The following SLC17A5 variants were observed in gnomAD, a reference collection of about 807,000 sequenced individuals.
SLC17A5 encodes the protein solute carrier family 17 member 5.
SLC17A5 carries 47 observed loss-of-function variants against 59.4 expected under a neutral mutation model. The observed-to-expected ratio is 0.79, with a 90% confidence interval of 0.63 to 1.01. The LOEUF (loss-of-function observed/expected upper bound fraction) is 1.01. Ranked by LOEUF, SLC17A5 falls within the 50% of genes least tolerant of loss-of-function variation. SLC17A5 has a pLI of 0.00. For synonymous variants in SLC17A5, 202 were observed against 210.7 expected, an observed-to-expected ratio of 0.96 and a Z score of 0.36; for missense variants, 522 against 595.5, an observed-to-expected ratio of 0.88 and a Z score of 1.28.
At chr6:73,644,072 T>G (rs1428107007) in intron 2 of SLC17A5, among the ~76,000 whole-genome samples, 3 of 152,208 alleles carry the variant, frequency 2.0e-5, no homozygotes, top group Non-Finnish European at 2.9e-5. Context: ...GGGTTATAAA[T>G]AATACTCCTA....
intron 8 of SLC17A5, among the ~76,000 whole-genome samples, chr6:73,613,041 CAAAA>C (rs59903043): frequency 4.8e-5 from 7 of 144,790 alleles, no homozygotes; most frequent in Non-Finnish European, 1.1e-4. Flanking sequence ...GACCCTGTCT[CAAAA>C]AAAAAAAAAA....
At chr6:73,636,295 AAAAAC>A (rs368187103) in intron 5 of SLC17A5, among the ~76,000 whole-genome samples, 1,609 of 111,944 alleles carry the variant, frequency 0.014, 29 homozygotes, top group African/African-American at 0.073. Context: ...AAAAAAAAAA[AAAAAC>A]ATTAAAACTA....
intron 9 of SLC17A5, among the ~76,000 whole-genome samples, chr6:73,607,498 T>C (rs1179633138): frequency 6.6e-6 from 1 of 152,064 alleles, no homozygotes; most frequent in African/African-American, 2.4e-5. Context: ...ACTCCTGACC[T>C]CAGGTGATCT....
At chr6:73,652,109 C>T (rs1769901632) in intron 1 of SLC17A5, among the ~76,000 whole-genome samples, 1 of 152,038 alleles carries the variant, frequency 6.6e-6, no homozygotes, top group Admixed American at 6.6e-5. Flanking sequence ...CAGTATGTTA[C>T]TATTATTTCC....
rs11349241 is a variant in SLC17A5 at position 73,600,508 on chromosome 6, CTT to C, written c.1260-69_1260-68del. The C allele has an allele frequency of 0.14, 107,578 of 750,072 alleles. 2 individuals carry two copies. Among genetic ancestry groups the C allele is most frequent in the Middle Eastern group, 0.17 (586 of 3,498 alleles). 46.5% of individuals were successfully genotyped at this position (750,072 alleles called of 1,614,324 possible). ...ATTTAAACAGCTTCATTCTTTCCTT[CTT>C]TTTTTTTTTTTTTTTTGAGACAGAG... On this transcript the variant is annotated intron_variant, in intron 9 of 10. Coordinates refer to ENST00000355773, the MANE Select transcript of SLC17A5 (RefSeq NM_012434.5).
At chr6:73,604,873 T>C (rs1043738264) in intron 9 of SLC17A5, among the ~76,000 whole-genome samples, 1 of 152,246 alleles carries the variant, frequency 6.6e-6, no homozygotes, top group Non-Finnish European at 1.5e-5. Context: ...AAACCTTGTA[T>C]CTGTTTACTG....
rs145897192 is a variant in SLC17A5, at chr6:73,623,662, TTTTATTTATTTATTTATTTA to T, written c.820-1720_820-1701del. On this transcript the variant is annotated intron_variant, in intron 6 of 10. Transcript: ENST00000355773. Reference sequence around the variant, plus strand: ...GTGATTTATTTTAAGTGTCTTTTATTTTTATTTATTTATTTATTTATTTATTTATTTATTTATTTATTTAT... The same window carrying T: ...GTGATTTATTTTAAGTGTCTTTTATTTTTATTTATTTATTTATTTATTTAT... Among the ~76,000 whole-genome samples, 486 of 136,754 alleles carry T rather than the reference TTTTATTTATTTATTTATTTA, an allele frequency of 3.6e-3. 1 individual carries two copies. The highest frequency in any genetic ancestry group is 9.4e-3 in the African/African-American group (347 of 36,938). 89.7% of individuals were successfully genotyped at this position (136,754 alleles called of 152,430 possible).
At chr6:73,640,669 A>T (rs56390246) in intron 3 of SLC17A5, among the ~76,000 whole-genome samples, 8,482 of 152,268 alleles carry the variant, frequency 0.056, 422 homozygotes, top group Admixed American at 0.16. Context: ...AAAATACACC[A>T]TTCCCTGGAT....
chr6:73,604,372 T>G (rs918101658), intron 9 of SLC17A5, among the ~76,000 whole-genome samples: 1 of 152,186 alleles, frequency 6.6e-6, no homozygotes, highest in Non-Finnish European at 1.5e-5. Flanking sequence ...TTCTGTGCTG[T>G]TGGAGTACTA....
intron 3 of SLC17A5, among the ~76,000 whole-genome samples, chr6:73,639,704 G>T (rs1769186881): frequency 1.3e-5 from 2 of 152,208 alleles, no homozygotes; most frequent in South Asian, 4.1e-4. Flanking sequence ...ACATATTGAA[G>T]GGATGAAGAA....
intron 9 of SLC17A5, among the ~76,000 whole-genome samples, chr6:73,605,688 T>C (rs73454523): frequency 0.11 from 16,236 of 150,892 alleles, 1,045 homozygotes; most frequent in Middle Eastern, 0.18. Context: ...TAAATAATTT[T>C]GACTTTGGGC....
chr6:73,623,115 C>A (rs1768229669), intron 6 of SLC17A5, among the ~76,000 whole-genome samples: 1 of 152,122 alleles, frequency 6.6e-6, no homozygotes, highest in African/African-American at 2.4e-5. Context: ...CGGCTCACTG[C>A]AACTTCTGCC....
At chr6:73,653,307 G>C (rs1468786503) in intron 1 of SLC17A5, 3 of 985,292 alleles carry the variant, frequency 3.0e-6, no homozygotes, top group Admixed American at 6.1e-5. Context: ...GAAACCTAGC[G>C]GTGACAGGGA....
intron 9 of SLC17A5, 66 bp downstream of exon 9, chr6:73,610,334 T>G (rs1341716626): frequency 6.9e-6 from 11 of 1,587,624 alleles, no homozygotes; most frequent in Non-Finnish European, 8.6e-6. Flanking sequence ...GCCTCTGGCC[T>G]TTTATCAGGA....
intron 1 of SLC17A5, among the ~76,000 whole-genome samples, chr6:73,650,953 G>C (rs764932468): frequency 3.3e-5 from 5 of 152,140 alleles, no homozygotes; most frequent in African/African-American, 4.8e-5. Context: ...AAGACAGACA[G>C]ACTCATAATC....
chr6:73,594,577 T>C lies in SLC17A5; in HGVS notation c.*500A>G, dbSNP rs1766712970. On this transcript the variant is annotated 3_prime_UTR_variant, in exon 11 of 11. Coordinates refer to ENST00000355773, the MANE Select transcript of SLC17A5 (RefSeq NM_012434.5). ...AGGGAGGGAGTGCTTGGCAGCTGCC[T>C]GGGCACACTCCCCTCAGTCCAGTTG... 5.7e-6 allele frequency: 1 copy of C among 175,690 alleles called. No individual in the cohort carries two copies. Among genetic ancestry groups the C allele is most frequent in the Non-Finnish European group, 1.2e-5 (1 of 82,390 alleles). 10.9% of individuals were successfully genotyped at this position (175,690 alleles called of 1,614,324 possible).
intron 6 of SLC17A5, among the ~76,000 whole-genome samples, chr6:73,628,135 T>C (rs1401314089): frequency 1.3e-5 from 2 of 151,864 alleles, no homozygotes; most frequent in Non-Finnish European, 2.9e-5. Flanking sequence ...CCCAGGCAGG[T>C]CTCTAACCCC....
intron 1 of SLC17A5, among the ~76,000 whole-genome samples, chr6:73,651,761 C>G (rs866590286): frequency 6.6e-6 from 1 of 151,912 alleles, no homozygotes. Flanking sequence ...CCTTGTTAGC[C>G]GGGATGGTCT....
At chr6:73,627,989 C>T (rs140633010) in intron 6 of SLC17A5, among the ~76,000 whole-genome samples, 3 of 151,600 alleles carry the variant, frequency 2.0e-5, no homozygotes, top group African/African-American at 4.8e-5. Flanking sequence ...GGCGCGATCA[C>T]GGCTACTGCA....
Sources: allele counts gnomAD v4.1 joint callset (sites outside exome capture counted in the v4.1 genomes callset), GRCh38; gene constraint gnomAD v4.1.1; transcripts MANE v1.5; gene names NCBI Gene and HGNC (gene_info 2026-07-23, HGNC 2026-07-21).